SPECC1L: variants seen among roughly 807,000 people sequenced by gnomAD.
SPECC1L encodes sperm antigen with calponin homology and coiled-coil domains 1 like, also known as cytospin-A.
In SPECC1L, 40 loss-of-function variants were observed where a neutral mutation model predicts 116.8. The ratio of observed to expected loss-of-function variants is 0.34; its 90% CI spans 0.27 to 0.45. The LOEUF is 0.45. Ranked by LOEUF, SPECC1L falls within the 20% of genes least tolerant of loss-of-function variation. The pLI is 1.00. For synonymous variants in SPECC1L, 504 were observed against 500.6 expected (o/e 1.01, Z -0.09); for missense variants, 1,110 against 1,373.6 (o/e 0.81, Z 3.03).
In SPECC1L at chr22:24,302,402, G is replaced by T; in HGVS notation, c.153+18G>T. On this transcript the variant is annotated intron_variant, in intron 3 of 16. Coordinates refer to ENST00000314328, the MANE Select transcript of SPECC1L (RefSeq NM_015330.6). ...TGTCAAAGGTATTCATGTGATGTTT[G>T]AATACATGATGGGTTTTTGGAGGAC... 6.2e-7 allele frequency: 1 copy of T among 1,613,894 alleles called. No individual in the cohort carries two copies. The highest frequency in any genetic ancestry group is 8.5e-7 in the Non-Finnish European group (1 of 1,179,908).
intron 8 of SPECC1L, among the ~76,000 whole-genome samples, chr22:24,332,744 A>G (rs756387707): frequency 3.9e-5 from 6 of 152,060 alleles, no homozygotes; most frequent in Admixed American, 2.0e-4. Flanking sequence ...GTTATTTTTC[A>G]TAAAAATATA....
chr22:24,317,440 T>C (rs1164521659), intron 4 of SPECC1L, among the ~76,000 whole-genome samples: 1 of 103,100 alleles, frequency 9.7e-6, no homozygotes, highest in Non-Finnish European at 2.0e-5. Flanking sequence ...GGCGGGGGGC[T>C]GACCCCCCAA....
chr22:24,342,028 A>G (rs1042918776), intron 10 of SPECC1L, among the ~76,000 whole-genome samples: 1 of 152,246 alleles, frequency 6.6e-6, no homozygotes, highest in East Asian at 1.9e-4. Flanking sequence ...TGACCCACAG[A>G]AACTATGAGA....
chr22:24,278,466 T>C (rs796998653), intron 2 of SPECC1L, among the ~76,000 whole-genome samples: 1 of 152,296 alleles, frequency 6.6e-6, no homozygotes, highest in South Asian at 2.1e-4. Flanking sequence ...CCACTCTAAC[T>C]CATTGTGTTT....
chr22:24,310,914 G>C (rs1270253102), intron 3 of SPECC1L, among the ~76,000 whole-genome samples: 2 of 152,092 alleles, frequency 1.3e-5, no homozygotes, highest in Non-Finnish European at 2.9e-5. Flanking sequence ...TAAAATCGTA[G>C]TTAGAAAACG....
At chr22:24,401,562 C>G (rs1222297424) in intron 14 of SPECC1L, among the ~76,000 whole-genome samples, 1 of 152,212 alleles carries the variant, frequency 6.6e-6, no homozygotes, top group African/African-American at 2.4e-5. Context: ...GCTGCCTTGA[C>G]TATGGTTTGG....
chr22:24,399,334 G>A (rs1462157081), intron 14 of SPECC1L, among the ~76,000 whole-genome samples: 2 of 152,228 alleles, frequency 1.3e-5, no homozygotes, highest in Non-Finnish European at 2.9e-5. Context: ...ACTTTGGGAG[G>A]CCGAGGCGGG....
chr22:24,297,357 GGAA>G (rs2049287400), intron 2 of SPECC1L, among the ~76,000 whole-genome samples: 1 of 151,986 alleles, frequency 6.6e-6, no homozygotes, highest in Non-Finnish European at 1.5e-5. Context: ...GGAAATTTCA[GGAA>G]ATGGAATTAG....
intron 10 of SPECC1L, 68 bp downstream of exon 10, chr22:24,338,545 A>G: frequency 7.3e-7 from 1 of 1,368,790 alleles, no homozygotes; most frequent in Non-Finnish European, 1.0e-6. Flanking sequence ...TTTTCTTCAC[A>G]GTCATTTACA....
chr22:24,296,625 C>T (rs1164891747), intron 2 of SPECC1L, among the ~76,000 whole-genome samples: 1 of 152,262 alleles, frequency 6.6e-6, no homozygotes, highest in Non-Finnish European at 1.5e-5. Context: ...ACTGGAAGTG[C>T]TGTGAACTGT....
intron 2 of SPECC1L, among the ~76,000 whole-genome samples, chr22:24,289,980 G>A (rs942093128): frequency 6.6e-6 from 1 of 152,126 alleles, no homozygotes; most frequent in African/African-American, 2.4e-5. Context: ...ACACATTTTT[G>A]AGATGTTCTT....
chr22:24,402,695 T>C (rs2042504325), intron 14 of SPECC1L, among the ~76,000 whole-genome samples: 1 of 152,210 alleles, frequency 6.6e-6, no homozygotes, highest in Non-Finnish European at 1.5e-5. Flanking sequence ...AGGAAGTGGA[T>C]GCTTGCATGT....
chr22:24,352,555 G>A (rs2041447230), intron 11 of SPECC1L, among the ~76,000 whole-genome samples: 2 of 152,108 alleles, frequency 1.3e-5, no homozygotes, highest in Admixed American at 6.5e-5. Context: ...TATGTTAAGG[G>A]TACATACCAT....
chr22:24,349,825 T>C (rs2041385252), intron 11 of SPECC1L, among the ~76,000 whole-genome samples: 1 of 152,240 alleles, frequency 6.6e-6, no homozygotes, highest in African/African-American at 2.4e-5. Flanking sequence ...CCATCATCTC[T>C]CAGCTGGGTT....
chr22:24,304,004 A>G (rs566783372), intron 3 of SPECC1L, among the ~76,000 whole-genome samples: 16 of 152,182 alleles, frequency 1.1e-4, no homozygotes, highest in African/African-American at 3.6e-4. Context: ...TAAAGTAAAA[A>G]CAGAGAAGGA....
chr22:24,303,129 A>G (rs967904701), intron 3 of SPECC1L, among the ~76,000 whole-genome samples: 7 of 152,148 alleles, frequency 4.6e-5, no homozygotes, highest in African/African-American at 9.7e-5. Context: ...AACTGGAAAC[A>G]TGATCTGTTC....
At chr22:24,346,987 T>G (rs2041309441) in intron 10 of SPECC1L, 99 bp from the exon 11 acceptor site, 2 of 940,662 alleles carry the variant, frequency 2.1e-6, no homozygotes, top group Non-Finnish European at 3.5e-6. Context: ...TGGAAAGAAT[T>G]AATACGGATT....
chr22:24,319,446 C>T (rs958659759), intron 4 of SPECC1L, among the ~76,000 whole-genome samples: 3 of 152,238 alleles, frequency 2.0e-5, no homozygotes, highest in Non-Finnish European at 4.4e-5. Flanking sequence ...CCTCCCGAAA[C>T]ACATAGGGAT....
At chr22:24,299,996 G>A (rs2049344790) in intron 2 of SPECC1L, among the ~76,000 whole-genome samples, 1 of 152,048 alleles carries the variant, frequency 6.6e-6, no homozygotes, top group Non-Finnish European at 1.5e-5. Flanking sequence ...GGTCCTTTGT[G>A]GCCTTCCAGT....
Sources: allele counts gnomAD v4.1 joint callset (sites outside exome capture counted in the v4.1 genomes callset), GRCh38; gene constraint gnomAD v4.1.1; transcripts MANE v1.5; gene names NCBI Gene and HGNC (gene_info 2026-07-23, HGNC 2026-07-21).